The following SULT6B1 variants were observed in gnomAD, a reference collection of about 807,000 sequenced individuals.
The protein encoded by SULT6B1 is sulfotransferase family 6B member 1.
In SULT6B1, 44 loss-of-function variants were observed where a neutral mutation model predicts 37.2. The ratio of observed to expected loss-of-function variants is 1.18; its 90% CI spans 0.93 to 1.52. The LOEUF (loss-of-function observed/expected upper bound fraction) is 1.52, where lower values mean the gene tolerates loss of function less well. SULT6B1 is among the 40% of genes most tolerant of loss of function. SULT6B1 has a pLI of 0.00. For missense variants in SULT6B1, 450 were observed against 361.0 expected (o/e 1.25, Z -2.00); for synonymous variants, 140 against 126.0 (o/e 1.11, Z -0.74).
upstream of SULT6B1, among the ~76,000 whole-genome samples, chr2:37,190,847 G>C (rs143803974): frequency 6.0e-3 from 906 of 152,244 alleles, 16 homozygotes; most frequent in African/African-American, 0.019. Context: ...CAGCCCAATG[G>C]TAGTGGAGAA....
intron 2 of SULT6B1, among the ~76,000 whole-genome samples, chr2:37,185,896 C>G (rs1168167561): frequency 6.6e-6 from 1 of 152,070 alleles, no homozygotes; most frequent in Non-Finnish European, 1.5e-5. Context: ...CTTACTGCCC[C>G]TGTTGGTCCA....
chr2:37,170,977 G>A (rs1334083581), intron 6 of SULT6B1, among the ~76,000 whole-genome samples: 2 of 151,828 alleles, frequency 1.3e-5, no homozygotes, highest in Non-Finnish European at 2.9e-5. Flanking sequence ...GGTGGCTCAC[G>A]CCTGTAATCC....
intron 5 of SULT6B1, among the ~76,000 whole-genome samples, chr2:37,172,061 T>C (rs903964157): frequency 1.3e-5 from 2 of 152,146 alleles, no homozygotes; most frequent in African/African-American, 4.8e-5. Context: ...TTTTTTTTTT[T>C]TTTTTAGACA....
chr2:37,173,912 G>A (rs1290862241), intron 5 of SULT6B1, among the ~76,000 whole-genome samples: 1 of 152,236 alleles, frequency 6.6e-6, no homozygotes, highest in East Asian at 1.9e-4. Flanking sequence ...AAACACATCT[G>A]CTCCAATCAC....
chr2:37,196,031 G>C (rs1400676686), intron 1 of SULT6B1: 1 of 152,152 alleles, frequency 6.6e-6, no homozygotes, highest in Admixed American at 6.5e-5. Flanking sequence ...GTCTCACCGT[G>C]TTAGCCAGGA....
chr2:37,172,165 C>T (rs1676318221), intron 5 of SULT6B1, among the ~76,000 whole-genome samples: 1 of 152,044 alleles, frequency 6.6e-6, no homozygotes, highest in Non-Finnish European at 1.5e-5. Context: ...ATCCTCACAC[C>T]TCAGCCTTCT....
At chr2:37,187,205 C>A (rs1024070208) in intron 2 of SULT6B1, 150 bp downstream of exon 2, 2 of 518,764 alleles carry the variant, frequency 3.9e-6, no homozygotes, top group South Asian at 3.1e-5. Context: ...TGAGATGATA[C>A]CTGAACAGTG....
chr2:37,189,351 G>C (rs7340131), upstream of SULT6B1, among the ~76,000 whole-genome samples: 3,560 of 152,294 alleles, frequency 0.023, 133 homozygotes, highest in African/African-American at 0.081. Context: ...ATGTAAGGCC[G>C]AAAAAGAGAC....
intron 3 of SULT6B1, 144 bp from the exon 4 acceptor site, chr2:37,179,728 G>T: frequency 1.5e-6 from 1 of 665,472 alleles, no homozygotes; most frequent in East Asian, 3.3e-5. Flanking sequence ...AGGAAACTGA[G>T]GAACAGGAGG....
chr2:37,181,623 C>T (rs1421485035), intron 3 of SULT6B1, among the ~76,000 whole-genome samples: 1 of 77,228 alleles, frequency 1.3e-5, no homozygotes, highest in African/African-American at 4.3e-5. Context: ...TCAAGCGATC[C>T]CTCCTGCTTC....
intron 2 of SULT6B1, 147 bp downstream of exon 2, chr2:37,187,208 G>C (rs1434714299): frequency 3.8e-6 from 2 of 528,050 alleles, no homozygotes; most frequent in African/African-American, 3.9e-5. Context: ...GATGATACCT[G>C]AACAGTGCTG....
intron 6 of SULT6B1, among the ~76,000 whole-genome samples, chr2:37,169,883 G>T (rs931612275): frequency 2.6e-5 from 4 of 152,142 alleles, no homozygotes; most frequent in African/African-American, 4.8e-5. Flanking sequence ...TGTTGTCCTT[G>T]CTGGTATATG....
rs1676300184 is a variant in SULT6B1, at chr2:37,171,545, A to G, written c.670T>C (p.Phe224Leu). ...GTTTGAATTTGCTCCCCAGTTAGAAAGAATCCCAAGAACTCAGCAATCTGT... is the reference window on the plus strand; with the variant it reads ...GTTTGAATTTGCTCCCCAGTTAGAAGGAATCCCAAGAACTCAGCAATCTGT... ...IKQIAEFLGF[F>L]LTGEQIQTIS... The change falls in exon 6 of 7, where the codon TTT becomes CTT. Residue 224 changes from phenylalanine (F) to leucine (L), a missense_variant. By Grantham distance (22) the Phe-to-Leu change is conservative (BLOSUM62 0). Transcript: ENST00000535679. 1 of 1,614,168 alleles carries G rather than the reference A, an allele frequency of 6.2e-7. No individual in the cohort carries two copies. Among genetic ancestry groups the G allele is most frequent in the Non-Finnish European group, 8.5e-7 (1 of 1,180,006 alleles).
upstream of SULT6B1, among the ~76,000 whole-genome samples, chr2:37,193,182 G>A (rs1676816076): frequency 6.6e-6 from 1 of 151,932 alleles, no homozygotes; most frequent in Non-Finnish European, 1.5e-5. Context: ...CCGCCTGGGT[G>A]TGGTGGCTCA....
intron 6 of SULT6B1, among the ~76,000 whole-genome samples, chr2:37,170,927 C>T (rs2148284292): frequency 6.6e-6 from 1 of 151,846 alleles, no homozygotes; most frequent in African/African-American, 2.4e-5. Context: ...CTCTCAACCG[C>T]AGAAAGGACC....
chr2:37,175,388 C>T (rs927319820), intron 4 of SULT6B1, among the ~76,000 whole-genome samples, 162 bp from the exon 5 acceptor site: 2 of 152,040 alleles, frequency 1.3e-5, no homozygotes, highest in Non-Finnish European at 2.9e-5. Context: ...ATAAATCAGT[C>T]CCATTGTCTA....
chr2:37,189,979 C>T (rs766339009), upstream of SULT6B1: 2 of 152,242 alleles, frequency 1.3e-5, no homozygotes, highest in African/African-American at 2.4e-5. Flanking sequence ...AGGAAGCCAG[C>T]TTACTGGATG....
At chr2:37,190,243 T>C (rs1231820327), upstream of SULT6B1, among the ~76,000 whole-genome samples, 1 of 152,210 alleles carries the variant, frequency 6.6e-6, no homozygotes, top group Non-Finnish European at 1.5e-5. Context: ...GTATATTTCT[T>C]CTTATTTCTC....
intron 4 of SULT6B1, among the ~76,000 whole-genome samples, chr2:37,176,041 G>A (rs905319663): frequency 2.0e-5 from 3 of 152,066 alleles, no homozygotes; most frequent in African/African-American, 7.2e-5. Flanking sequence ...CATTTCAAGT[G>A]CTCCGTTGTC....
Sources: gnomAD v4.1 joint callset for allele counts (sites outside exome capture counted in the v4.1 genomes callset) on GRCh38, gnomAD v4.1.1 for gene constraint, MANE v1.5 for transcripts, NCBI Gene and HGNC (gene_info 2026-07-23, HGNC 2026-07-21) for gene names.